The following PTPRT variants were observed in gnomAD, a reference collection of about 807,000 sequenced individuals.
The protein encoded by PTPRT is protein tyrosine phosphatase receptor type T.
Under a neutral mutation model 176.8 loss-of-function variants are expected in PTPRT, and 56 were observed. The observed-to-expected ratio is 0.32, with a 90% CI of 0.26 to 0.40. PTPRT has a LOEUF of 0.40. PTPRT is among the 10% of genes least tolerant of loss of function. PTPRT has a pLI of 1.00. For missense variants in PTPRT, 1,540 were observed against 1,908.2 expected, an observed-to-expected ratio of 0.81 and a Z score of 3.60; for synonymous variants, 783 against 739.0, an observed-to-expected ratio of 1.06 and a Z score of -0.96.
At chr20:42,184,474 T>C (rs74318024) in intron 16 of PTPRT, among the ~76,000 whole-genome samples, 2,410 of 128,346 alleles carry the variant, frequency 0.019, 80 homozygotes, top group African/African-American at 0.066. Context: ...TCCCCACTCC[T>C]TCCTTTCTTC....
intron 1 of PTPRT, among the ~76,000 whole-genome samples, chr20:43,035,489 G>A (rs1375623892): frequency 1.3e-5 from 2 of 152,216 alleles, no homozygotes; most frequent in Non-Finnish European, 2.9e-5. Flanking sequence ...TAAGTTGGAC[G>A]TGGTCAGGGT....
rs200602736 is a variant in PTPRT at position 42,404,972 on chromosome 20, T to TTATATATATA, written c.1560+43238_1560+43247dup. ...AGCATGTGAATAGAGGGCCAATTAA[T>TTATATATATA]TATATATATATATATACACACACAC... On this transcript the variant is annotated intron_variant, in intron 9 of 30. Transcript: ENST00000373187. Among the ~76,000 whole-genome samples, 151 of 77,910 alleles carry TTATATATATA rather than the reference T, an allele frequency of 1.9e-3. 5 individuals are homozygous for TTATATATATA. The highest frequency in any genetic ancestry group is 3.5e-3 in the South Asian group (10 of 2,844). 51.1% of individuals were successfully genotyped at this position (77,910 alleles called of 152,430 possible).
intron 7 of PTPRT, among the ~76,000 whole-genome samples, chr20:42,515,526 G>A (rs2072045566): frequency 6.6e-6 from 1 of 152,056 alleles, no homozygotes; most frequent in East Asian, 1.9e-4. Flanking sequence ...TCAGCCCTAG[G>A]AAGTTATATT....
At chr20:42,205,075 G>A (rs1411907611) in intron 15 of PTPRT, among the ~76,000 whole-genome samples, 2 of 115,784 alleles carry the variant, frequency 1.7e-5, no homozygotes, top group Non-Finnish European at 3.4e-5. Flanking sequence ...GTGGTGGGGT[G>A]GGGGGAGGGG....
intron 6 of PTPRT, among the ~76,000 whole-genome samples, chr20:42,697,901 A>G (rs1365094751): frequency 6.6e-6 from 1 of 152,254 alleles, no homozygotes; most frequent in Non-Finnish European, 1.5e-5. Context: ...CTAAAGCCTC[A>G]TCTAGATCTT....
intron 7 of PTPRT, among the ~76,000 whole-genome samples, chr20:42,602,667 ATGTTC>A (rs1177929961): frequency 6.6e-6 from 1 of 151,862 alleles, no homozygotes; most frequent in African/African-American, 2.4e-5. Context: ...TCTTACCACT[ATGTTC>A]TTTTTTTCTC....
rs1176145341 is a variant in PTPRT, at chr20:42,728,714, C to A, written c.859+27748G>T. Among the ~76,000 whole-genome samples, 3 of 152,172 alleles carry A rather than the reference C, an allele frequency of 2.0e-5. No homozygotes were observed. In the East Asian group the frequency reaches 5.8e-4, roughly 29 times the overall value. On this transcript the variant is annotated intron_variant, in intron 6 of 30. Coordinates refer to ENST00000373187, the MANE Select transcript of PTPRT (RefSeq NM_007050.6). ...ACGGAACTGAGCGAAGGGACAATGACCACGGGCCCATGCGCTAACAATGAC... is the reference window on the plus strand; with the variant it reads ...ACGGAACTGAGCGAAGGGACAATGAACACGGGCCCATGCGCTAACAATGAC...
At chr20:42,740,299 G>T (rs1006021132) in intron 6 of PTPRT, among the ~76,000 whole-genome samples, 5 of 152,176 alleles carry the variant, frequency 3.3e-5, no homozygotes, top group African/African-American at 1.2e-4. Flanking sequence ...CCTAGGATGT[G>T]ATCTGCACAG....
At chr20:42,124,008 A>G (rs1987723160) in intron 19 of PTPRT, among the ~76,000 whole-genome samples, 1 of 152,090 alleles carries the variant, frequency 6.6e-6, no homozygotes, top group Middle Eastern at 3.2e-3. Flanking sequence ...GGCCTTGAAA[A>G]ATTCATATTG....
chr20:42,524,198 T>C (rs927753685), intron 7 of PTPRT, among the ~76,000 whole-genome samples: 2 of 152,204 alleles, frequency 1.3e-5, no homozygotes, highest in African/African-American at 2.4e-5. Flanking sequence ...ATATAGTCAG[T>C]GTTTATTTAG....
At chr20:42,549,737 T>C (rs1322384484) in intron 7 of PTPRT, among the ~76,000 whole-genome samples, 1 of 151,984 alleles carries the variant, frequency 6.6e-6, no homozygotes, top group Non-Finnish European at 1.5e-5. Flanking sequence ...GAGGGGAAGG[T>C]TGTGGTTTAT....
In PTPRT at chr20:42,352,267, C is replaced by T. The variant is rs926083986; in HGVS notation, c.1579G>A (p.Gly527Ser). The change falls in exon 10 of 31, where the codon GGC becomes AGC. Residue 527 changes from glycine to serine, a missense_variant. Gly to Ser is a moderately conservative substitution (Grantham distance 56). This residue lies in a region of PTPRT where 136 missense variants were observed against 135.0 expected (regional missense o/e 1.01). Coordinates refer to ENST00000373187, the MANE Select transcript of PTPRT (RefSeq NM_007050.6). Reference sequence around the variant, plus strand: ...AGGTCAGCACTTGGGTCCAGCGAGCCGACAGCCTTGTAGTTGATCTGTAGG... The same window carrying T: ...AGGTCAGCACTTGGGTCCAGCGAGCTGACAGCCTTGTAGTTGATCTGTAGG... ...TLYEINYKAV[G>S]SLDPSADLSS... 10 of 1,613,956 alleles carry T rather than the reference C, an allele frequency of 6.2e-6. 1 individual carries two copies. The Admixed American group carries it at 8.3e-5, about 13-fold the overall frequency.
At chr20:42,085,595 C>T in intron 28 of PTPRT, 133 bp downstream of exon 28, 2 of 1,348,228 alleles carry the variant, frequency 1.5e-6, no homozygotes, top group Admixed American at 2.0e-5. Context: ...GCACAGGCAT[C>T]ACTTCCTCAA....
At chr20:42,304,229 T>C (rs2057512192) in intron 12 of PTPRT, among the ~76,000 whole-genome samples, 1 of 152,116 alleles carries the variant, frequency 6.6e-6, no homozygotes, top group African/African-American at 2.4e-5. Context: ...CTTCACTAAT[T>C]TTTTTCCTCC....
Position 42,105,660 on chromosome 20 carries a change from G to A in PTPRT, c.3391-942C>T, listed in dbSNP as rs187385064. Among the ~76,000 whole-genome samples the A allele has an allele frequency of 2.0e-5, 3 of 152,306 alleles. No homozygotes were observed. The East Asian group carries it at 5.8e-4, about 29-fold the overall frequency. Reference sequence around the variant, plus strand: ...CTCCCCATATGTCTGACTGCAACCAGCAAGCCTGGCTTCTGCATGCATGGA... The same window carrying A: ...CTCCCCATATGTCTGACTGCAACCAACAAGCCTGGCTTCTGCATGCATGGA... On this transcript the variant is annotated intron_variant, in intron 24 of 30. Transcript: ENST00000373187.
At chr20:42,269,793 A>G (rs1205827100) in intron 13 of PTPRT, among the ~76,000 whole-genome samples, 2 of 152,216 alleles carry the variant, frequency 1.3e-5, no homozygotes, top group Admixed American at 6.5e-5. Context: ...GATTATTCCT[A>G]TTTAACAGGT....
chr20:43,040,015 T>C (rs1465414539), intron 1 of PTPRT, among the ~76,000 whole-genome samples: 2 of 151,538 alleles, frequency 1.3e-5, no homozygotes, highest in African/African-American at 4.9e-5. Context: ...CACTCCAGCC[T>C]GGGCAACAGA....
At chr20:42,469,081 GT>G (rs1378443152) in intron 8 of PTPRT, among the ~76,000 whole-genome samples, 8 of 148,570 alleles carry the variant, frequency 5.4e-5, no homozygotes, top group South Asian at 2.1e-4. Flanking sequence ...ATACCTTTTT[GT>G]TTTTTTTTTC....
At chr20:42,706,561 A>G (rs2076062845) in intron 6 of PTPRT, among the ~76,000 whole-genome samples, 1 of 152,170 alleles carries the variant, frequency 6.6e-6, no homozygotes, top group South Asian at 2.1e-4. Flanking sequence ...ATGGGCACAT[A>G]GGCATCTCAG....
Sources: gnomAD v4.1 joint callset for allele counts (sites outside exome capture counted in the v4.1 genomes callset) on GRCh38, gnomAD v4.1.1 for gene constraint, gnomAD v4.1.1 regional missense constraint, MANE v1.5 for transcripts, NCBI Gene and HGNC (gene_info 2026-07-23, HGNC 2026-07-21) for gene names.